CUX1: variants seen among roughly 807,000 people sequenced by gnomAD.
CUX1 encodes protein CASP.
A neutral mutation model predicts 158.8 loss-of-function variants in CUX1; 31 were observed. The observed-to-expected ratio is 0.20, with a 90% CI of 0.15 to 0.26. The LOEUF (loss-of-function observed/expected upper bound fraction) is 0.26, where lower values mean the gene tolerates loss of function less well. Ranked by LOEUF, CUX1 falls within the 10% of genes least tolerant of loss-of-function variation. CUX1 has a pLI of 1.00. For missense variants in CUX1, 1,589 were observed against 2,014.6 expected, an observed-to-expected ratio of 0.79 and a Z score of 4.04; for synonymous variants, 879 against 862.1, an observed-to-expected ratio of 1.02 and a Z score of -0.34.
rs781825609 is a variant in CUX1 at position 102,216,528 on chromosome 7, T to TCC, written c.3131-10833_3131-10832dup. 1.4e-3 allele frequency among the ~76,000 whole-genome samples: 110 copies of TCC among 78,676 alleles called. 4 individuals carry two copies. The highest frequency in any genetic ancestry group is 4.6e-3 in the African/African-American group (95 of 20,476). 51.6% of individuals were successfully genotyped at this position (78,676 alleles called of 152,430 possible). On this transcript the variant is annotated intron_variant, in intron 20 of 23. Transcript: ENST00000292535. ...CGTGTGTGCGCGCACACACACACTC[T>TCC]CCCCCCCACACACACACACCCACAC...
chr7:101,943,486 G>A (rs2970477), intron 2 of CUX1, among the ~76,000 whole-genome samples: 2 of 151,812 alleles, frequency 1.3e-5, no homozygotes, highest in Admixed American at 1.3e-4. Context: ...TCTCCCGCGC[G>A]GCGGCGGCTG....
intron 20 of CUX1, among the ~76,000 whole-genome samples, chr7:102,209,265 ACAT>A (rs1554522491): frequency 6.6e-6 from 1 of 152,108 alleles, no homozygotes; most frequent in African/African-American, 2.4e-5. Context: ...CATTTCATTC[ACAT>A]CATCACTTTT....
In CUX1 at chr7:102,254,945, G is replaced by A. The variant is rs1231503454; in HGVS notation, c.*5903G>A. The A allele has an allele frequency of 2.0e-6, 2 of 985,336 alleles. No individual in the cohort carries two copies. The highest frequency in any genetic ancestry group is 3.5e-5 in the African/African-American group (2 of 57,230). The allele number at this position is 985,336 out of a possible 1,614,324, so 61.0% of individuals were successfully genotyped here. A position where few individuals can be genotyped will look rare whatever the true frequency, so the allele number is the denominator to read the frequency against. ...GGAAGCAGGTACCCAATAAAGTTTA[G>A]AAAGATCCAGTCTGTGAAACCCTTA... is the stretch of plus-strand genomic sequence containing the variant. On this transcript the variant is annotated 3_prime_UTR_variant, in exon 24 of 24. Coordinates refer to ENST00000292535, the MANE Select transcript of CUX1 (RefSeq NM_181552.4).
At chr7:101,826,123 T>A (rs1267606195) in intron 1 of CUX1, among the ~76,000 whole-genome samples, 5 of 152,112 alleles carry the variant, frequency 3.3e-5, no homozygotes, top group Admixed American at 1.3e-4. Flanking sequence ...CTCCAGAATC[T>A]TGCTTATTTG....
chr7:101,968,195 G>A (rs1811465033), intron 2 of CUX1, among the ~76,000 whole-genome samples: 2 of 151,966 alleles, frequency 1.3e-5, no homozygotes, highest in Non-Finnish European at 1.5e-5. Flanking sequence ...ATGAACCACT[G>A]CACCTGGTAC....
chr7:101,863,115 A>G (rs572836148), intron 1 of CUX1, among the ~76,000 whole-genome samples: 1 of 152,276 alleles, frequency 6.6e-6, no homozygotes, highest in East Asian at 1.9e-4. Context: ...ATCAGTGTGT[A>G]TCTCTAAAAG....
At chr7:102,277,796 G>T (rs1250269407) in intron 17 of CUX1, among the ~76,000 whole-genome samples, 5 of 152,006 alleles carry the variant, frequency 3.3e-5, no homozygotes, top group Non-Finnish European at 7.4e-5. Context: ...TCTGCCTGTG[G>T]TGGGGCCACA....
chr7:101,877,380 G>A (rs1799252711), intron 1 of CUX1, among the ~76,000 whole-genome samples: 1 of 152,116 alleles, frequency 6.6e-6, no homozygotes, highest in Non-Finnish European at 1.5e-5. Flanking sequence ...TTGTGCAAGT[G>A]GCTTTTTATT....
chr7:102,006,974 C>T (rs530842502), intron 2 of CUX1, among the ~76,000 whole-genome samples: 2 of 152,172 alleles, frequency 1.3e-5, no homozygotes, highest in African/African-American at 2.4e-5. Flanking sequence ...TTCGCCAGCG[C>T]GGGCCTCCTC....
chr7:102,010,622 C>T (rs1817889860), intron 2 of CUX1, among the ~76,000 whole-genome samples: 1 of 151,970 alleles, frequency 6.6e-6, no homozygotes, highest in African/African-American at 2.4e-5. Context: ...TGTGTGTGTG[C>T]GTATTTAAGT....
intron 3 of CUX1, among the ~76,000 whole-genome samples, chr7:102,069,212 C>T (rs185531222): frequency 1.5e-4 from 23 of 152,308 alleles, no homozygotes; most frequent in African/African-American, 5.1e-4. Flanking sequence ...GCTCTTTCCA[C>T]CCTGACCGCT....
intron 1 of CUX1, among the ~76,000 whole-genome samples, chr7:101,890,617 G>A (rs922794476): frequency 3.3e-5 from 5 of 152,082 alleles, no homozygotes; most frequent in African/African-American, 9.7e-5. Flanking sequence ...GGGGAAAAAC[G>A]GTGAGTCCCT....
chr7:102,282,833 G>A, intron 22 of CUX1: 13 of 1,225,758 alleles, frequency 1.1e-5, no homozygotes, highest in South Asian at 3.2e-5. Flanking sequence ...CAGCACCCCC[G>A]CAACACCCCC....
At chr7:102,135,745 C>T (rs576987257) in intron 8 of CUX1, among the ~76,000 whole-genome samples, 1 of 152,132 alleles carries the variant, frequency 6.6e-6, no homozygotes, top group African/African-American at 2.4e-5. Context: ...GAGGCCAAGG[C>T]AGGCGGATCA....
At chr7:101,960,492 G>A (rs1260963096) in intron 2 of CUX1, 2 of 152,114 alleles carry the variant, frequency 1.3e-5, no homozygotes, top group Admixed American at 6.5e-5. Context: ...AAAATTAGCT[G>A]GGCATGGTGG....
At chr7:102,228,860 G>A (rs888555035) in intron 21 of CUX1, among the ~76,000 whole-genome samples, 2 of 152,282 alleles carry the variant, frequency 1.3e-5, no homozygotes, top group East Asian at 3.9e-4. Context: ...GAGCTGGGCA[G>A]CGTCCACCCG....
At chr7:102,189,460 A>G (rs1053180349) in intron 11 of CUX1, among the ~76,000 whole-genome samples, 1 of 149,144 alleles carries the variant, frequency 6.7e-6, no homozygotes, top group Non-Finnish European at 1.5e-5. Flanking sequence ...CAGCAGCACA[A>G]TCATAGCTCA....
chr7:102,097,916 T>C (rs1829368515), intron 5 of CUX1, among the ~76,000 whole-genome samples: 1 of 152,242 alleles, frequency 6.6e-6, no homozygotes, highest in South Asian at 2.1e-4. Context: ...TTCAGACACA[T>C]CTTAAAGGCT....
chr7:102,111,846 C>T lies in CUX1; in HGVS notation c.607+72C>T, dbSNP rs936330385. Reference sequence around the variant, plus strand: ...GGGGAGAGTTGGGTCAGCCCCTGACCGCCCCGGTCCCCGCGGATACCTGTT... The same window carrying T: ...GGGGAGAGTTGGGTCAGCCCCTGACTGCCCCGGTCCCCGCGGATACCTGTT... On this transcript the variant is annotated intron_variant, in intron 7 of 23. Coordinates refer to ENST00000292535, the MANE Select transcript of CUX1 (RefSeq NM_181552.4). 3.3e-5 allele frequency: 46 copies of T among 1,381,520 alleles called. 1 individual carries two copies. In the South Asian group the frequency reaches 4.3e-4, roughly 13 times the overall value. 85.6% of individuals were successfully genotyped at this position (1,381,520 alleles called of 1,614,324 possible).
Sources: allele counts gnomAD v4.1 joint callset (sites outside exome capture counted in the v4.1 genomes callset), GRCh38; gene constraint gnomAD v4.1.1; transcripts MANE v1.5; gene names NCBI Gene and HGNC (gene_info 2026-07-23, HGNC 2026-07-21).